Variants in SORBS2 observed in about 807,000 individuals in gnomAD.
The protein encoded by SORBS2 is sorbin and SH3 domain-containing protein 2.
A neutral mutation model predicts 97.7 loss-of-function variants in SORBS2; 46 were observed. The observed-to-expected ratio is 0.47, with a 90% CI of 0.37 to 0.60. The LOEUF (loss-of-function observed/expected upper bound fraction) is 0.60. Among genes scored for constraint, SORBS2 ranks in the 20% least tolerant of loss-of-function variants. The probability of loss-of-function intolerance (pLI) is 0.00; values close to 1 mark genes in which losing one functional copy is unlikely to be tolerated. For missense variants in SORBS2, 1,316 were observed against 1,282.3 expected (o/e 1.03, Z -0.40); for synonymous variants, 476 against 473.4 (o/e 1.01, Z -0.07).
chr4:185,661,275 TGA>T (rs2097515272), upstream of SORBS2, among the ~76,000 whole-genome samples: 1 of 84,806 alleles, frequency 1.2e-5, no homozygotes, highest in South Asian at 4.8e-4. Flanking sequence ...GACTCCATCT[TGA>T]AAAAAAAAAA....
intron 1 of SORBS2, among the ~76,000 whole-genome samples, chr4:185,851,040 G>A (rs2099217593): frequency 6.6e-6 from 1 of 152,144 alleles, no homozygotes; most frequent in Admixed American, 6.5e-5. Context: ...TGGTTCTCCA[G>A]CTTGCAGACA....
At chr4:185,600,519 A>G (rs2096237496) in intron 12 of SORBS2, among the ~76,000 whole-genome samples, 1 of 152,066 alleles carries the variant, frequency 6.6e-6, no homozygotes, top group South Asian at 2.1e-4. Flanking sequence ...TTGTATTTTT[A>G]GTAGAGACAG....
At chr4:185,693,780 A>G (rs1007866416) in intron 2 of SORBS2, among the ~76,000 whole-genome samples, 1 of 152,230 alleles carries the variant, frequency 6.6e-6, no homozygotes, top group African/African-American at 2.4e-5. Context: ...GTACCAAGTT[A>G]GAGAACTAGT....
chr4:185,680,562 C>T (rs1035524839), intron 2 of SORBS2, among the ~76,000 whole-genome samples: 7 of 152,104 alleles, frequency 4.6e-5, no homozygotes, highest in Admixed American at 3.9e-4. Context: ...TAGCCCAATG[C>T]TACTTTATGA....
At chr4:185,620,195 T>C in intron 7 of SORBS2, 44 bp from the exon 20 acceptor site, 1 of 1,301,436 alleles carries the variant, frequency 7.7e-7, no homozygotes, top group Non-Finnish European at 1.1e-6. Flanking sequence ...ATCCACTTAA[T>C]TACAAGCCAA....
Position 185,623,240 on chromosome 4 carries a change from G to A in SORBS2, c.1889C>T (p.Ser630Phe). The A allele has an allele frequency of 6.2e-7, 1 of 1,614,138 alleles. No homozygotes were observed. The highest frequency in any genetic ancestry group is 8.5e-7 in the Non-Finnish European group (1 of 1,180,030). The change falls in exon 7 of 15, where the codon TCT becomes TTT. Residue 630 changes from serine to phenylalanine, a missense_variant. Physicochemically the swap from Ser to Phe is radical, Grantham distance 155. Transcript: ENST00000418609. This position sits in a 1 kb window ranked among gnomAD's most constrained non-coding sequence, Gnocchi z 6.4. ...GGCAGAGTCCAGAGCCTCAAACACA[G>A]ATGCTTTACATTTTGCCTTTTCAGT... is the stretch of plus-strand genomic sequence containing the variant.
At chr4:185,706,646 G>A (rs144791226) in intron 2 of SORBS2, among the ~76,000 whole-genome samples, 59 of 152,140 alleles carry the variant, frequency 3.9e-4, no homozygotes, top group Non-Finnish European at 7.6e-4. Flanking sequence ...ACATCCCTCA[G>A]CTCCATGCAT....
At chr4:185,653,533 G>C (rs1337843662) in intron 1 of SORBS2, among the ~76,000 whole-genome samples, 3 of 152,072 alleles carry the variant, frequency 2.0e-5, no homozygotes, top group Admixed American at 6.6e-5. Context: ...TCACCTTCTT[G>C]AGCCTCAGTT....
rs1050801472 is a variant in SORBS2, at chr4:185,880,945, G to A, written c.-338+75251C>T. The stretch of plus-strand genomic sequence containing the variant: ...TATGTAGACACAGCACTGAGGTGGA[G>A]GAGAAGGATGAAGAACAGAAGAGGG... On this transcript the variant is annotated intron_variant, in intron 1 of 20. Coordinates refer to the SORBS2 transcript ENST00000284776. Among the ~76,000 whole-genome samples the A allele has an allele frequency of 2.0e-5, 3 of 152,078 alleles. No homozygotes were observed. In the East Asian group the frequency reaches 5.8e-4, roughly 29 times the overall value.
At chr4:185,751,143 G>A (rs1445296451) in intron 2 of SORBS2, among the ~76,000 whole-genome samples, 1 of 100,506 alleles carries the variant, frequency 9.9e-6, no homozygotes, top group Non-Finnish European at 2.0e-5. Flanking sequence ...TCCATTAAAT[G>A]GTAAAGGAAT....
rs1285625858 is a variant in SORBS2 at position 185,613,398 on chromosome 4, C to T, written c.2596-1418G>A. Among the ~76,000 whole-genome samples, 3 of 152,140 alleles carry T rather than the reference C, an allele frequency of 2.0e-5. No individual in the cohort carries two copies. The East Asian group carries it at 5.8e-4, about 29-fold the overall frequency. On this transcript the variant is annotated intron_variant, in intron 11 of 14. Transcript: ENST00000418609. ...GATGCAATCGCTCACGCCTGTAATC[C>T]CAGCACTTTGGGAGGCCAAGGCGGG...
intron 4 of SORBS2, 112 bp downstream of exon 7, chr4:185,678,311 A>T: frequency 1.0e-6 from 1 of 954,826 alleles, no homozygotes; most frequent in Non-Finnish European, 1.4e-6. Context: ...AAAAGCAAAA[A>T]CATATTAAAA....
intron 1 of SORBS2, among the ~76,000 whole-genome samples, chr4:185,892,018 A>G (rs1181479393): frequency 6.6e-6 from 1 of 152,124 alleles, no homozygotes; most frequent in Non-Finnish European, 1.5e-5. Flanking sequence ...GTATTTTAGT[A>G]GAGAAGGGGT....
At chr4:185,702,370 T>C (rs1447262920) in intron 2 of SORBS2, among the ~76,000 whole-genome samples, 2 of 152,102 alleles carry the variant, frequency 1.3e-5, no homozygotes, top group Admixed American at 1.3e-4. Context: ...CAGGCTCTTT[T>C]CAACAATCAG....
rs78547073 is a variant in SORBS2, at chr4:185,889,712, C to T, written c.-338+66484G>A. 6.5e-3 allele frequency among the ~76,000 whole-genome samples: 992 copies of T among 152,178 alleles called. 3 individuals carry two copies. Among genetic ancestry groups the T allele is most frequent in the Non-Finnish European group, 0.01 (686 of 68,012 alleles). On this transcript the variant is annotated intron_variant, in intron 1 of 20. Transcript: ENST00000284776. ...GCTTCTGTCCTCCTCCTCCGCCTGACAGTTTTACGCCCTGAACATCTATAT... is the reference window on the plus strand; with the variant it reads ...GCTTCTGTCCTCCTCCTCCGCCTGATAGTTTTACGCCCTGAACATCTATAT...
intron 2 of SORBS2, among the ~76,000 whole-genome samples, chr4:185,730,289 T>C (rs1239534255): frequency 6.6e-6 from 1 of 150,982 alleles, no homozygotes; most frequent in Admixed American, 6.7e-5. Context: ...AATTTTTTTT[T>C]TTTAAAGGTC....
intron 1 of SORBS2, among the ~76,000 whole-genome samples, chr4:185,925,351 G>C (rs2099263084): frequency 6.6e-6 from 1 of 152,110 alleles, no homozygotes; most frequent in African/African-American, 2.4e-5. Context: ...AATAGGATGT[G>C]GTGGGTGGTC....
intron 2 of SORBS2, among the ~76,000 whole-genome samples, chr4:185,741,702 C>A (rs1404752409): frequency 1.3e-5 from 2 of 151,930 alleles, no homozygotes; most frequent in East Asian, 3.9e-4. Flanking sequence ...CTCTTGTGGC[C>A]CTGCTTGAAC....
chr4:185,683,772 G>A (rs1469877761), intron 2 of SORBS2, among the ~76,000 whole-genome samples: 2 of 152,076 alleles, frequency 1.3e-5, no homozygotes, highest in Non-Finnish European at 2.9e-5. Flanking sequence ...TCTGCATATG[G>A]AAGTTCATTT....
Sources: allele counts gnomAD v4.1 joint callset (sites outside exome capture counted in the v4.1 genomes callset), GRCh38; gene constraint gnomAD v4.1.1; non-coding constraint Gnocchi (gnomAD v3.1); transcripts MANE v1.5; gene names NCBI Gene and HGNC (gene_info 2026-07-23, HGNC 2026-07-21).